The following COL4A4 variants were observed in gnomAD, a reference collection of about 807,000 sequenced individuals.
COL4A4 encodes the protein collagen type IV alpha 4 chain.
A neutral mutation model predicts 192.9 loss-of-function variants in COL4A4; 105 were observed. The observed-to-expected ratio is 0.54, with a 90% CI of 0.46 to 0.64. The LOEUF (loss-of-function observed/expected upper bound fraction) is 0.64, where lower values mean the gene tolerates loss of function less well. Ranked by LOEUF, COL4A4 falls within the 30% of genes least tolerant of loss-of-function variation. COL4A4 has a pLI of 0.00. For missense variants in COL4A4, 1,967 were observed against 2,169.3 expected (o/e 0.91, Z 1.85); for synonymous variants, 762 against 769.9 (o/e 0.99, Z 0.17).
intron 43 of COL4A4, among the ~76,000 whole-genome samples, chr2:227,023,680 C>T (rs930357152): frequency 6.6e-6 from 1 of 152,146 alleles, no homozygotes; most frequent in Non-Finnish European, 1.5e-5. Flanking sequence ...CCCGAGAAGA[C>T]TGTGTATGTG....
In COL4A4 at chr2:227,008,131, A is replaced by C. The variant is rs1252796737; in HGVS notation, c.4696T>G (p.Cys1566Gly). ...EEAIRPYVSR[C>G]AVCEAPAQAV... ...TGGGCCGGGGCCTCGCATACCGCAC[A>C]GCGGCTGACATAGGGGCGGATCGCC... The change falls in exon 47 of 48, where the codon TGT (cysteine) becomes GGT (glycine). Residue 1566 changes from cysteine to glycine, a missense_variant. Cys to Gly is a radical substitution (Grantham distance 159). Transcript: ENST00000396625. The C allele has an allele frequency of 6.2e-7, 1 of 1,614,042 alleles. No individual in the cohort carries two copies.
chr2:226,993,628 C>G, the COL4A4 span, among the ~76,000 whole-genome samples: 2 of 152,046 alleles, frequency 1.3e-5, no homozygotes, highest in Non-Finnish European at 2.9e-5. Flanking sequence ...GTGTTCTAGT[C>G]AGGAAGGGTA....
At chr2:226,999,986 C>T (rs919614087), downstream of COL4A4, among the ~76,000 whole-genome samples, 6 of 152,280 alleles carry the variant, frequency 3.9e-5, no homozygotes, top group Middle Eastern at 3.4e-3. Flanking sequence ...AAAAATCAAA[C>T]GAAAGTTTGT....
intron 8 of COL4A4, 33 bp downstream of exon 8, chr2:227,114,595 A>C (rs188634442): frequency 1.3e-6 from 2 of 1,589,394 alleles, no homozygotes; most frequent in Admixed American, 1.7e-5. Context: ...TGGAAGAAAA[A>C]ATTTTTTAAC....
chr2:227,026,489 A>C (rs1415204223), intron 42 of COL4A4, among the ~76,000 whole-genome samples: 5 of 142,322 alleles, frequency 3.5e-5, no homozygotes, highest in African/African-American at 8.1e-5. Flanking sequence ...ACAAAGCGAG[A>C]CTCCGTCTCA....
Position 227,041,822 on chromosome 2 carries a change from AAG to A in COL4A4, c.3505+324_3505+325del, listed in dbSNP as rs1185055393. On this transcript the variant is annotated intron_variant, in intron 37 of 47. Coordinates refer to ENST00000396625, the MANE Select transcript of COL4A4 (RefSeq NM_000092.5). Reference sequence around the variant, plus strand: ...AAAGAAAGGAAGAAAGAAAGAAAGAAAGAAAGAAAGAAAGAAAGAAAGAAAGA... The same window carrying A: ...AAAGAAAGGAAGAAAGAAAGAAAGAAAAAGAAAGAAAGAAAGAAAGAAAGA... 2.4e-3 allele frequency among the ~76,000 whole-genome samples: 97 copies of A among 39,830 alleles called. 2 individuals carry two copies. Among genetic ancestry groups the A allele is most frequent in the African/African-American group, 0.013 (89 of 6,622 alleles). The allele number at this position is 39,830 out of a possible 152,430, so 26.1% of individuals were successfully genotyped here.
chr2:227,030,358 T>C, intron 41 of COL4A4, 85 bp downstream of exon 41: 2 of 1,427,102 alleles, frequency 1.4e-6, no homozygotes, highest in South Asian at 1.2e-5. Flanking sequence ...GCATAGGAAA[T>C]AGAAATGGCG....
rs201901241 is a variant in COL4A4 at position 227,054,650 on chromosome 2, G to T, written c.2804C>A (p.Pro935His). The stretch of plus-strand genomic sequence containing the variant: ...AAGGCCAGACATGCCCTTCTCTCCA[G>T]GTTCTCCCTTTGCGCCAGGACATCC... ...AEGCPGAKGE[P>H]GEKGMSGLPG... Residue 935 changes from proline (P) to histidine (H), a missense_variant, in exon 31 of 48, where the codon CCT becomes CAT. Physicochemically the swap from Pro to His is moderately conservative, Grantham distance 77. Coordinates refer to ENST00000396625, the MANE Select transcript of COL4A4 (RefSeq NM_000092.5). 1 of 1,614,230 alleles carries T rather than the reference G, an allele frequency of 6.2e-7. No individual in the cohort carries two copies. Among genetic ancestry groups the T allele is most frequent in the Admixed American group, 1.7e-5 (1 of 60,024 alleles).
chr2:227,114,772 T>C (rs1418121450), intron 7 of COL4A4, 76 bp from the exon 8 acceptor site: 4 of 1,171,032 alleles, frequency 3.4e-6, no homozygotes, highest in East Asian at 2.4e-5. Flanking sequence ...CTATATAAAA[T>C]ATAACTCATC....
At chr2:227,009,439 C>T (rs1309093317) in intron 46 of COL4A4, among the ~76,000 whole-genome samples, 3 of 152,138 alleles carry the variant, frequency 2.0e-5, no homozygotes, top group Non-Finnish European at 4.4e-5. Context: ...CACGGTGGCT[C>T]ACACCTGTAA....
rs1961379136 is a variant in COL4A4, at chr2:227,003,126, G to A, written c.*4199C>T. ...CTGTGCTACAGTAACTTTGAGGATT[G>A]AAATGAAACAGCATTCCCAATGACA... On this transcript the variant is annotated 3_prime_UTR_variant, in exon 48 of 48. Coordinates refer to ENST00000396625, the MANE Select transcript of COL4A4 (RefSeq NM_000092.5). The A allele has an allele frequency of 6.6e-6, 1 of 152,190 alleles. No individual in the cohort carries two copies. The highest frequency in any genetic ancestry group is 1.5e-5 in the Non-Finnish European group (1 of 68,032). 9.4% of individuals were successfully genotyped at this position (152,190 alleles called of 1,614,324 possible).
chr2:227,046,286 T>C, intron 35 of COL4A4, among the ~76,000 whole-genome samples: 1 of 150,516 alleles, frequency 6.6e-6, no homozygotes, highest in Non-Finnish European at 1.5e-5. Flanking sequence ...TAATATTCTT[T>C]CTGTTGTATG....
intron 4 of COL4A4, among the ~76,000 whole-genome samples, chr2:227,130,404 C>T (rs1233053047): frequency 6.6e-6 from 1 of 152,170 alleles, no homozygotes; most frequent in African/African-American, 2.4e-5. Context: ...TTCTGCGGGG[C>T]CTAAACAAGG....
At chr2:227,071,561 T>C (rs2058725016) in intron 25 of COL4A4, among the ~76,000 whole-genome samples, 1 of 152,102 alleles carries the variant, frequency 6.6e-6, no homozygotes, top group Admixed American at 6.6e-5. Flanking sequence ...TTAACAGACA[T>C]TTACAGAACA....
chr2:227,073,213 T>G (rs1381612902), intron 25 of COL4A4, among the ~76,000 whole-genome samples: 1 of 152,086 alleles, frequency 6.6e-6, no homozygotes, highest in African/African-American at 2.4e-5. Context: ...GGTTACAAAA[T>G]CATTGTACAT....
the COL4A4 span, among the ~76,000 whole-genome samples, chr2:226,989,425 C>A: frequency 1.8e-4 from 27 of 152,130 alleles, no homozygotes; most frequent in Non-Finnish European, 3.7e-4. Context: ...CTTATAAGTG[C>A]AGGAAATATT....
chr2:227,052,836 T>C (rs956483485), intron 31 of COL4A4, among the ~76,000 whole-genome samples: 1 of 152,202 alleles, frequency 6.6e-6, no homozygotes, highest in Non-Finnish European at 1.5e-5. Context: ...AACAGACACT[T>C]ATCTCAATGT....
At chr2:227,101,704 C>T in intron 16 of COL4A4, 147 bp from the exon 17 acceptor site, 2 of 1,102,408 alleles carry the variant, frequency 1.8e-6, no homozygotes, top group South Asian at 2.7e-5. Context: ...CAATCTTGTG[C>T]TTCAATTTTT....
chr2:226,975,585 G>C, the COL4A4 span, among the ~76,000 whole-genome samples: 2 of 152,248 alleles, frequency 1.3e-5, no homozygotes, highest in Non-Finnish European at 2.9e-5. Context: ...GGGCAGTTTG[G>C]TACAGAAGAG....
Sources: gnomAD v4.1 joint callset for allele counts (sites outside exome capture counted in the v4.1 genomes callset) on GRCh38, gnomAD v4.1.1 for gene constraint, MANE v1.5 for transcripts, NCBI Gene and HGNC (gene_info 2026-07-23, HGNC 2026-07-21) for gene names.